SLC8A1: variants seen among roughly 807,000 people sequenced by gnomAD.
The protein encoded by SLC8A1 is solute carrier family 8 member A1, also known as sodium/calcium exchanger 1.
A neutral mutation model predicts 68.3 loss-of-function variants in SLC8A1; 18 were observed. That is an observed-to-expected ratio of 0.26 (90% CI 0.18 to 0.39). The LOEUF (loss-of-function observed/expected upper bound fraction) is 0.39, where lower values mean the gene tolerates loss of function less well. Among genes scored for constraint, SLC8A1 ranks in the 10% least tolerant of loss-of-function variants. SLC8A1 has a pLI of 1.00. For synonymous variants in SLC8A1, 475 were observed against 415.5 expected (o/e 1.14, Z -1.74); for missense variants, 985 against 1,156.7 (o/e 0.85, Z 2.15).
At chr2:40,414,765 G>T (rs1693285536) in intron 2 of SLC8A1, among the ~76,000 whole-genome samples, 1 of 151,902 alleles carries the variant, frequency 6.6e-6, no homozygotes, top group African/African-American at 2.4e-5. Flanking sequence ...ATTTATTATG[G>T]AAACATATAG....
At chr2:40,238,084 T>A (rs575564162) in intron 2 of SLC8A1, among the ~76,000 whole-genome samples, 2 of 152,324 alleles carry the variant, frequency 1.3e-5, no homozygotes, top group South Asian at 2.1e-4. Flanking sequence ...CCCCCAGAGG[T>A]GGAGCCTACA....
intron 2 of SLC8A1, chr2:40,254,516 G>A (rs1212508417): frequency 8.5e-6 from 1 of 116,972 alleles, no homozygotes; most frequent in Non-Finnish European, 1.9e-5. Flanking sequence ...TCAAAAACAT[G>A]AAGCTAAATG....
chr2:40,332,530 G>C (rs1181051329), intron 2 of SLC8A1, among the ~76,000 whole-genome samples: 1 of 152,008 alleles, frequency 6.6e-6, no homozygotes, highest in East Asian at 1.9e-4. Flanking sequence ...TCCTTATTCT[G>C]ACCTTGTGCT....
chr2:40,286,577 G>A (rs1267622252), intron 2 of SLC8A1, among the ~76,000 whole-genome samples: 1 of 152,180 alleles, frequency 6.6e-6, no homozygotes, highest in Admixed American at 6.6e-5. Flanking sequence ...TGTAAGATAG[G>A]AAGTTTAAGT....
intron 2 of SLC8A1, among the ~76,000 whole-genome samples, chr2:40,218,030 T>A (rs1250817688): frequency 1.3e-5 from 2 of 152,146 alleles, no homozygotes; most frequent in Admixed American, 6.5e-5. Context: ...AATTAATTTG[T>A]CTCAGTGGGG....
intron 6 of SLC8A1, among the ~76,000 whole-genome samples, chr2:40,145,818 C>T (rs528630657): frequency 6.6e-6 from 1 of 152,348 alleles, no homozygotes; most frequent in African/African-American, 2.4e-5. Context: ...CTGTCTTGCT[C>T]ATAAAATGAT....
intron 1 of SLC8A1, among the ~76,000 whole-genome samples, chr2:40,495,627 T>G (rs929678207): frequency 1.3e-5 from 2 of 152,036 alleles, no homozygotes; most frequent in African/African-American, 4.8e-5. Context: ...ATCTATTATC[T>G]TGCACAACTG....
intron 2 of SLC8A1, among the ~76,000 whole-genome samples, chr2:40,328,369 TCTC>T (rs2076065032): frequency 2.0e-5 from 3 of 152,270 alleles, no homozygotes; most frequent in African/African-American, 7.2e-5. Flanking sequence ...TGGAGGTTTA[TCTC>T]CTCTGCCTCT....
At chr2:40,374,660 C>A (rs1432597283) in intron 2 of SLC8A1, among the ~76,000 whole-genome samples, 1 of 151,814 alleles carries the variant, frequency 6.6e-6, no homozygotes, top group Non-Finnish European at 1.5e-5. Context: ...TGGTGGCAGA[C>A]AGAATAAGAA....
At chr2:40,185,160 G>T (rs1029432696) in intron 2 of SLC8A1, among the ~76,000 whole-genome samples, 2 of 152,170 alleles carry the variant, frequency 1.3e-5, no homozygotes, top group Admixed American at 6.5e-5. Flanking sequence ...GCTGCTAATA[G>T]GAATGTAAAA....
At chr2:40,226,534 C>T (rs1296392424) in intron 2 of SLC8A1, among the ~76,000 whole-genome samples, 1 of 152,118 alleles carries the variant, frequency 6.6e-6, no homozygotes, top group African/African-American at 2.4e-5. Context: ...TAAATCCTTG[C>T]TCTACAAAGG....
intron 2 of SLC8A1, among the ~76,000 whole-genome samples, chr2:40,228,465 A>C (rs1440574602): frequency 1.3e-5 from 2 of 152,222 alleles, no homozygotes; most frequent in African/African-American, 4.8e-5. Context: ...GCAGCTGTCT[A>C]CGAAACAAAT....
At chr2:40,239,658 C>T (rs2060939136) in intron 2 of SLC8A1, among the ~76,000 whole-genome samples, 1 of 152,044 alleles carries the variant, frequency 6.6e-6, no homozygotes, top group Admixed American at 6.6e-5. Flanking sequence ...CCAGCCTGGG[C>T]AACAGAGCAA....
chr2:40,459,761 T>C (rs1270991336), intron 1 of SLC8A1, among the ~76,000 whole-genome samples: 1 of 152,172 alleles, frequency 6.6e-6, no homozygotes, highest in Admixed American at 6.5e-5. Context: ...ATGGGAATCA[T>C]GCATGTGTAA....
At chr2:40,354,760 A>G (rs1218841677) in intron 2 of SLC8A1, among the ~76,000 whole-genome samples, 1 of 152,220 alleles carries the variant, frequency 6.6e-6, no homozygotes, top group Non-Finnish European at 1.5e-5. Flanking sequence ...ATGCTAGGAA[A>G]AAGTTCTCAC....
intron 2 of SLC8A1, among the ~76,000 whole-genome samples, chr2:40,273,813 C>A (rs1438719327): frequency 6.7e-6 from 1 of 149,366 alleles, no homozygotes; most frequent in Non-Finnish European, 1.5e-5. Context: ...GGCACTTGCA[C>A]AATAAAGAGG....
chr2:40,210,714 C>CCCATGTCTGA (rs2056424025), intron 2 of SLC8A1, among the ~76,000 whole-genome samples: 1 of 152,126 alleles, frequency 6.6e-6, no homozygotes, highest in Non-Finnish European at 1.5e-5. Context: ...AATTGAAGCA[C>CCCATGTCTGA]TTATTGTCAT....
At chr2:40,173,878 A>C (rs1177811125) in intron 4 of SLC8A1, among the ~76,000 whole-genome samples, 1 of 152,234 alleles carries the variant, frequency 6.6e-6, no homozygotes, top group African/African-American at 2.4e-5. Flanking sequence ...AAATGTGCAC[A>C]GATGACTCTA....
At chr2:40,232,807 T>C (rs1378355975) in intron 2 of SLC8A1, among the ~76,000 whole-genome samples, 3 of 131,510 alleles carry the variant, frequency 2.3e-5, no homozygotes, top group African/African-American at 8.7e-5. Flanking sequence ...GTCCATGTGA[T>C]CTCATTGTTC....
Sources: allele counts gnomAD v4.1 joint callset (sites outside exome capture counted in the v4.1 genomes callset), GRCh38; gene constraint gnomAD v4.1.1; transcripts MANE v1.5; gene names NCBI Gene and HGNC (gene_info 2026-07-23, HGNC 2026-07-21).